The following AP2B1 variants were observed in gnomAD, a reference collection of about 807,000 sequenced individuals.
AP2B1 encodes the protein AP-2 complex subunit beta.
AP2B1 carries 23 observed loss-of-function variants against 102.0 expected under a neutral mutation model. That is an observed-to-expected ratio of 0.23 (90% CI 0.16 to 0.32). AP2B1 has a LOEUF of 0.32. Among genes scored for constraint, AP2B1 ranks in the 10% least tolerant of loss-of-function variants. The pLI, the probability that AP2B1 is intolerant of heterozygous loss-of-function variation, is 1.00. For synonymous variants in AP2B1, 381 were observed against 421.2 expected, an observed-to-expected ratio of 0.90 and a Z score of 1.17; for missense variants, 541 against 1,157.4, an observed-to-expected ratio of 0.47 and a Z score of 7.73.
intron 13 of AP2B1, among the ~76,000 whole-genome samples, chr17:35,656,681 G>A (rs994215850): frequency 6.6e-6 from 1 of 151,992 alleles, no homozygotes; most frequent in African/African-American, 2.4e-5. Context: ...GGATCACAAG[G>A]TCAGGAGATC....
At chr17:35,709,448 T>C (rs1555586433) in intron 19 of AP2B1, 140 bp downstream of exon 19, 2 of 663,572 alleles carry the variant, frequency 3.0e-6, no homozygotes, top group East Asian at 5.4e-5. Context: ...TCTTAATAAT[T>C]GCTCATTATT....
intron 18 of AP2B1, among the ~76,000 whole-genome samples, chr17:35,687,262 C>T (rs996183579): frequency 8.5e-5 from 13 of 152,060 alleles, no homozygotes; most frequent in Non-Finnish European, 1.9e-4. Flanking sequence ...CAGGAGCACA[C>T]CACTACACCC....
chr17:35,616,548 TTCAG>T (rs1021532737), intron 5 of AP2B1, among the ~76,000 whole-genome samples: 23 of 152,306 alleles, frequency 1.5e-4, no homozygotes, highest in African/African-American at 5.5e-4. Flanking sequence ...TCATATACGC[TTCAG>T]TCAGTTTCAC....
intron 5 of AP2B1, among the ~76,000 whole-genome samples, chr17:35,610,894 G>A (rs140370705): frequency 8.0e-5 from 11 of 137,730 alleles, no homozygotes; most frequent in African/African-American, 2.5e-4. Context: ...GTGACGGAGC[G>A]AGACTCTTGT....
chr17:35,629,188 TC>T (rs1358537411), intron 9 of AP2B1, among the ~76,000 whole-genome samples: 1 of 152,180 alleles, frequency 6.6e-6, no homozygotes. Context: ...CCTCAAGTGA[TC>T]CGCCTGCCTC....
intron 9 of AP2B1, among the ~76,000 whole-genome samples, chr17:35,635,368 T>A (rs1292736464): frequency 1.3e-5 from 2 of 150,334 alleles, no homozygotes; most frequent in East Asian, 3.9e-4. Context: ...ATGGTAGTTT[T>A]TTGTTTTGCT....
Position 35,717,242 on chromosome 17 carries a change from A to G in AP2B1, c.2674A>G (p.Lys892Glu). 1 of 1,614,184 alleles carries G rather than the reference A, an allele frequency of 6.2e-7. No homozygotes were observed. The highest frequency in any genetic ancestry group is 8.5e-7 in the Non-Finnish European group (1 of 1,179,996). ...LQNNNVYTIA[K>E]RNVEGQDMLY... The stretch of plus-strand genomic sequence containing the variant: ...AAACAACAATGTTTATACTATTGCC[A>G]AGAGGAATGTGGAAGGGCAGGACAT... Residue 892 changes from lysine to glutamate, a missense_variant, in exon 21 of 22, where the codon AAG becomes GAG. Lys to Glu is a moderately conservative substitution (Grantham distance 56). This residue lies in a region of AP2B1 where 117 missense variants were observed against 206.7 expected (regional missense o/e 0.57). Coordinates refer to ENST00000610402, the MANE Select transcript of AP2B1 (RefSeq NM_001030006.2).
chr17:35,629,878 ATCAG>A (rs2074415623), intron 9 of AP2B1, among the ~76,000 whole-genome samples: 1 of 152,196 alleles, frequency 6.6e-6, no homozygotes, highest in Non-Finnish European at 1.5e-5. Context: ...GCCCTGCTTC[ATCAG>A]TCAGCAGTCC....
chr17:35,603,050 T>C (rs1164979404), intron 3 of AP2B1, among the ~76,000 whole-genome samples: 1 of 152,228 alleles, frequency 6.6e-6, no homozygotes, highest in African/African-American at 2.4e-5. Context: ...CATAGTTTGC[T>C]TTCCAGGACA....
intron 12 of AP2B1, among the ~76,000 whole-genome samples, chr17:35,645,052 A>T (rs1419595606): frequency 6.6e-6 from 1 of 152,144 alleles, no homozygotes; most frequent in Non-Finnish European, 1.5e-5. Context: ...AAAGAAAGAA[A>T]AAAAGAATAA....
chr17:35,607,580 T>C (rs567706871), intron 4 of AP2B1, among the ~76,000 whole-genome samples: 5 of 152,340 alleles, frequency 3.3e-5, no homozygotes, highest in African/African-American at 1.2e-4. Flanking sequence ...CACTTGCTAG[T>C]AAAAGAGAAT....
At chr17:35,589,430 A>T (rs2073011302) in intron 1 of AP2B1, among the ~76,000 whole-genome samples, 1 of 152,232 alleles carries the variant, frequency 6.6e-6, no homozygotes, top group African/African-American at 2.4e-5. Context: ...ATTTGAATTA[A>T]GACCCTATTA....
chr17:35,626,672 G>C lies in AP2B1; in HGVS notation c.768G>C (p.Val256=). The part of the protein sequence containing the change: ...PRLSHANSAV[V]LSAVKVLMKF... The stretch of plus-strand genomic sequence containing the variant: ...TATCCCATGCCAACTCAGCAGTGGT[G>C]CTTTCAGCGGTAAAAGTCCTAATGA... Residue 256 remains valine, a synonymous_variant, in exon 7 of 22, where the codon GTG becomes GTC. Coordinates refer to ENST00000610402, the MANE Select transcript of AP2B1 (RefSeq NM_001030006.2). 2 of 1,613,676 alleles carry C rather than the reference G, an allele frequency of 1.2e-6. No individual in the cohort carries two copies. The highest frequency in any genetic ancestry group is 1.7e-6 in the Non-Finnish European group (2 of 1,179,930).
rs367846442 is a variant in AP2B1, at chr17:35,636,397, T to C, written c.1212T>C (p.Asn404=). 58 of 1,613,952 alleles carry C rather than the reference T, an allele frequency of 3.6e-5. No homozygotes were observed. The highest frequency in any genetic ancestry group is 4.7e-5 in the Non-Finnish European group (56 of 1,179,974). Residue 404 remains asparagine, a synonymous_variant, in exon 10 of 22, where the codon AAT becomes AAC. Transcript: ENST00000610402. Reference sequence around the variant, plus strand: ...TTGATCTAATCCAGACCAAAGTGAATTATGTGGTCCAAGAAGCAATTGTTG... The same window carrying C: ...TTGATCTAATCCAGACCAAAGTGAACTATGTGGTCCAAGAAGCAATTGTTG... ...TLLDLIQTKV[N]YVVQEAIVVI...
chr17:35,712,019 C>T (rs1010591427), intron 20 of AP2B1, among the ~76,000 whole-genome samples: 1 of 152,182 alleles, frequency 6.6e-6, no homozygotes, highest in Admixed American at 6.5e-5. Context: ...AGATGTTTGC[C>T]TCTGATAATT....
intron 18 of AP2B1, among the ~76,000 whole-genome samples, chr17:35,696,234 G>A (rs1206579831): frequency 6.6e-6 from 1 of 151,892 alleles, no homozygotes; most frequent in Non-Finnish European, 1.5e-5. Flanking sequence ...GTCCTTGTCT[G>A]GAATGTGCCT....
At chr17:35,663,423 G>A (rs2142912319) in intron 14 of AP2B1, among the ~76,000 whole-genome samples, 1 of 152,282 alleles carries the variant, frequency 6.6e-6, no homozygotes, top group Admixed American at 6.6e-5. Flanking sequence ...AGGTCATACA[G>A]TAAGTTGCAG....
intron 18 of AP2B1, among the ~76,000 whole-genome samples, chr17:35,695,167 A>G (rs1019481648): frequency 1.7e-4 from 26 of 152,178 alleles, no homozygotes; most frequent in African/African-American, 6.3e-4. Flanking sequence ...ATATAGAGTA[A>G]TTCTATTGTA....
In AP2B1 at chr17:35,724,277, G is replaced by A. The variant is rs2079924; in HGVS notation, c.*578G>A. The A allele has an allele frequency of 0.022, 3,302 of 152,482 alleles. 71 individuals are homozygous for A. Among genetic ancestry groups the A allele is most frequent in the Admixed American group, 0.072 (1,104 of 15,282 alleles). The allele number at this position is 152,482 out of a possible 1,614,324, so 9.4% of individuals were successfully genotyped here. A position where few individuals can be genotyped will look rare whatever the true frequency, so the allele number is the denominator to read the frequency against. On this transcript the variant is annotated 3_prime_UTR_variant, in exon 22 of 22. Coordinates refer to ENST00000610402, the MANE Select transcript of AP2B1 (RefSeq NM_001030006.2). ...TTATCCCTGGTCATTTGGATTTTCA[G>A]TTTGCTTTTTTCTTTTTTTCCCCTC...
Sources: gnomAD v4.1 joint callset for allele counts (sites outside exome capture counted in the v4.1 genomes callset) on GRCh38, gnomAD v4.1.1 for gene constraint, gnomAD v4.1.1 regional missense constraint, MANE v1.5 for transcripts, NCBI Gene and HGNC (gene_info 2026-07-23, HGNC 2026-07-21) for gene names.